POU6F2: variants seen among roughly 807,000 people sequenced by gnomAD.
The protein encoded by POU6F2 is POU class 6 homeobox 2.
POU6F2 carries 31 observed loss-of-function variants against 71.3 expected under a neutral mutation model. That is an observed-to-expected ratio of 0.43 (90% CI 0.33 to 0.59). The LOEUF (loss-of-function observed/expected upper bound fraction) is 0.59, where lower values mean the gene tolerates loss of function less well. Ranked by LOEUF, POU6F2 falls within the 20% of genes least tolerant of loss-of-function variation. The pLI is 0.04. For synonymous variants in POU6F2, 347 were observed against 355.7 expected (o/e 0.98, Z 0.27); for missense variants, 783 against 856.8 (o/e 0.91, Z 1.07).
chr7:39,095,540 AAT>A (rs767094992), intron 2 of POU6F2, among the ~76,000 whole-genome samples: 10 of 152,156 alleles, frequency 6.6e-5, no homozygotes, highest in Non-Finnish European at 1.3e-4. Context: ...GTAGAGTATC[AAT>A]ATGTTTTTAT....
intron 1 of POU6F2, among the ~76,000 whole-genome samples, chr7:39,052,744 C>T (rs1790422817): frequency 6.6e-6 from 1 of 152,144 alleles, no homozygotes. Flanking sequence ...CTATGGTGCT[C>T]TTCTTCCTTG....
chr7:39,059,088 C>A (rs1011412242), intron 1 of POU6F2, among the ~76,000 whole-genome samples: 2 of 152,006 alleles, frequency 1.3e-5, no homozygotes, highest in Non-Finnish European at 2.9e-5. Context: ...TATACAATAT[C>A]TTTTTGGAAA....
At chr7:39,293,493 C>T (rs1345866387) in intron 4 of POU6F2, among the ~76,000 whole-genome samples, 5 of 151,254 alleles carry the variant, frequency 3.3e-5, no homozygotes, top group Non-Finnish European at 4.4e-5. Flanking sequence ...TTCCTTTCTT[C>T]ATTCCTTTTT....
chr7:39,075,615 C>T (rs6945380), intron 1 of POU6F2, among the ~76,000 whole-genome samples: 47,083 of 152,010 alleles, frequency 0.31, 7,982 homozygotes, highest in East Asian at 0.76. Context: ...AATCACGCTT[C>T]TAATACGCTG....
In POU6F2 at chr7:39,059,201, C is replaced by T. The variant is rs568244040; in HGVS notation, c.106-26659C>T. On this transcript the variant is annotated intron_variant, in intron 1 of 9. Coordinates refer to ENST00000518318, the MANE Select transcript of POU6F2 (RefSeq NM_001370959.1). ...TCACGTGTTCATGTAGGAACTCAGT[C>T]GTAAGCTTCAAAGAAGAGAATTTTA... Among the ~76,000 whole-genome samples the T allele has an allele frequency of 3.3e-5, 5 of 151,884 alleles. No individual in the cohort carries two copies. The South Asian group carries it at 6.2e-4, about 19-fold the overall frequency.
intron 5 of POU6F2, among the ~76,000 whole-genome samples, chr7:39,386,137 A>C (rs1340719856): frequency 2.0e-5 from 3 of 147,446 alleles, no homozygotes; most frequent in Admixed American, 1.4e-4. Flanking sequence ...AAAAAAAAAG[A>C]ACCAACTTAG....
At chr7:39,297,768 C>T (rs1003649294) in intron 4 of POU6F2, among the ~76,000 whole-genome samples, 2 of 148,512 alleles carry the variant, frequency 1.3e-5, no homozygotes, top group Admixed American at 1.3e-4. Flanking sequence ...TACAAGGCTA[C>T]AGTAACCAAA....
intron 1 of POU6F2, among the ~76,000 whole-genome samples, chr7:39,067,076 CTT>C (rs1790771727): frequency 6.8e-6 from 1 of 147,772 alleles, no homozygotes; most frequent in Non-Finnish European, 1.5e-5. Flanking sequence ...TATATATACA[CTT>C]AACGTATACA....
intron 1 of POU6F2, among the ~76,000 whole-genome samples, chr7:39,082,055 T>C (rs1440890140): frequency 6.6e-6 from 1 of 152,238 alleles, no homozygotes. Context: ...GGAGACTGTC[T>C]GGTAAAGGCA....
At position 39,015,861 on chromosome 7, in the gene POU6F2, A is replaced by ATATTATAGATATATATT. The variant is rs1491232563; in HGVS notation, c.105+37803_105+37804insTATTATAGATATATATT. ...TAATATATTATATATAGATATATAT[A>ATATTATAGATATATATT]ATATATTATATATAGATATATATTA... On this transcript the variant is annotated intron_variant, in intron 1 of 9. Transcript: ENST00000518318. 1.2e-3 allele frequency among the ~76,000 whole-genome samples: 66 copies of ATATTATAGATATATATT among 57,242 alleles called. 1 individual carries two copies. The highest frequency in any genetic ancestry group is 3.9e-3 in the African/African-American group (55 of 14,042). The allele number at this position is 57,242 out of a possible 152,430, so 37.6% of individuals were successfully genotyped here.
intron 1 of POU6F2, among the ~76,000 whole-genome samples, chr7:39,076,869 TACAC>T (rs67222549): frequency 0.079 from 11,819 of 149,746 alleles, 501 homozygotes; most frequent in African/African-American, 0.12. Flanking sequence ...AATGTTGAGA[TACAC>T]ACACACACAC....
chr7:39,316,044 G>T (rs1369443580), intron 4 of POU6F2, among the ~76,000 whole-genome samples: 1 of 152,156 alleles, frequency 6.6e-6, no homozygotes, highest in African/African-American at 2.4e-5. Context: ...ACTGTGTCCT[G>T]GTAGTAATAT....
chr7:39,201,618 GA>G, intron 2 of POU6F2, among the ~76,000 whole-genome samples: 1 of 152,348 alleles, frequency 6.6e-6, no homozygotes, highest in South Asian at 2.1e-4. Context: ...AGACTTCAGA[GA>G]GCTTTCCTGG....
chr7:39,194,689 G>A (rs373685539), intron 2 of POU6F2, among the ~76,000 whole-genome samples: 6 of 152,204 alleles, frequency 3.9e-5, no homozygotes, highest in African/African-American at 7.2e-5. Context: ...CCCCTTCTAC[G>A]CTGTGGGATA....
At chr7:39,222,571 C>T (rs550940357) in intron 4 of POU6F2, among the ~76,000 whole-genome samples, 1 of 152,298 alleles carries the variant, frequency 6.6e-6, no homozygotes, top group Admixed American at 6.5e-5. Flanking sequence ...CCCCATCCCC[C>T]TCCCCCAGTC....
intron 1 of POU6F2, among the ~76,000 whole-genome samples, chr7:39,007,229 T>A (rs1490363458): frequency 6.6e-6 from 1 of 152,226 alleles, no homozygotes; most frequent in Non-Finnish European, 1.5e-5. Context: ...ATTTTTATAT[T>A]TCATTTTAAA....
chr7:39,333,178 C>A (rs1034314116), intron 4 of POU6F2, among the ~76,000 whole-genome samples: 1 of 152,176 alleles, frequency 6.6e-6, no homozygotes, highest in Non-Finnish European at 1.5e-5. Context: ...CTACATTCTA[C>A]TTTACATCCT....
At chr7:39,076,284 A>G (rs1402965991) in intron 1 of POU6F2, among the ~76,000 whole-genome samples, 1 of 150,574 alleles carries the variant, frequency 6.6e-6, no homozygotes, top group Non-Finnish European at 1.5e-5. Flanking sequence ...TCAATCAACC[A>G]GTCAAACACA....
At chr7:38,999,413 C>T (rs576620152) in intron 1 of POU6F2, among the ~76,000 whole-genome samples, 7 of 152,148 alleles carry the variant, frequency 4.6e-5, no homozygotes, top group African/African-American at 1.2e-4. Flanking sequence ...CCATTTTTAT[C>T]GCCATTCAGA....
Sources: allele counts gnomAD v4.1 joint callset (sites outside exome capture counted in the v4.1 genomes callset), GRCh38; gene constraint gnomAD v4.1.1; transcripts MANE v1.5; gene names NCBI Gene and HGNC (gene_info 2026-07-23, HGNC 2026-07-21).